Variants in PSG3 observed in about 807,000 individuals in gnomAD.
PSG3 encodes pregnancy specific beta-1-glycoprotein 3.
A neutral mutation model predicts 47.5 loss-of-function variants in PSG3; 61 were observed. That is an observed-to-expected ratio of 1.28 (90% CI 1.05 to 1.59). The LOEUF is 1.59. Among genes scored for constraint, PSG3 ranks in the 40% most tolerant of loss-of-function variants. The pLI is 0.00. For missense variants in PSG3, 756 were observed against 524.0 expected, an observed-to-expected ratio of 1.44 and a Z score of -4.32; for synonymous variants, 263 against 198.4, an observed-to-expected ratio of 1.33 and a Z score of -2.74.
At chr19:42,730,411 G>C (rs2353152) in intron 3 of PSG3, among the ~76,000 whole-genome samples, 12 of 152,286 alleles carry the variant, frequency 7.9e-5, no homozygotes, top group East Asian at 5.8e-4. Flanking sequence ...TGTGCAACTG[G>C]TGGGCCCCTT....
chr19:42,736,765 G>A (rs1001331861), intron 2 of PSG3, among the ~76,000 whole-genome samples: 3 of 152,132 alleles, frequency 2.0e-5, no homozygotes, highest in African/African-American at 7.2e-5. Context: ...AAGGGAAAGA[G>A]CCCTGGATGG....
intron 5 of PSG3, 71 bp downstream of exon 5, chr19:42,729,052 C>T: frequency 6.2e-7 from 1 of 1,611,076 alleles, no homozygotes; most frequent in Non-Finnish European, 8.5e-7. Flanking sequence ...AAATGTTTTC[C>T]TGACTCTTCT....
intron 5 of PSG3, among the ~76,000 whole-genome samples, chr19:42,726,639 T>A (rs546545160): frequency 4.9e-4 from 75 of 152,302 alleles, no homozygotes; most frequent in African/African-American, 1.7e-3. Context: ...AAATGAAAGA[T>A]GACATCAATA....
chr19:42,732,595 C>G (rs1969490273), intron 3 of PSG3, 189 bp downstream of exon 3: 1 of 1,360,646 alleles, frequency 7.3e-7, no homozygotes, highest in Non-Finnish European at 1.0e-6. Context: ...CAGGAGCAGC[C>G]TCTTTTCTCC....
intron 2 of PSG3, chr19:42,734,242 C>T (rs1427907686): frequency 6.6e-6 from 1 of 152,146 alleles, no homozygotes; most frequent in South Asian, 2.1e-4. Flanking sequence ...AAGCTTAAAA[C>T]CAAGTGTTTT....
rs749776014 is a variant in PSG3 at position 42,729,776 on chromosome 19, A to G, written c.988+2T>C. The stretch of plus-strand genomic sequence containing the variant: ...GCCCACAGAGGAACAAAAGATACTC[A>G]CAGAGGACATTCAGGGTGACTGGGT... On this transcript the variant is annotated splice_donor_variant, in intron 4 of 6. Coordinates refer to ENST00000327495, the MANE Select transcript of PSG3 (RefSeq NM_021016.4). LOFTEE classifies it high-confidence loss of function. The G allele has an allele frequency of 6.2e-7, 1 of 1,613,470 alleles. No homozygotes were observed. The highest frequency in any genetic ancestry group is 8.5e-7 in the Non-Finnish European group (1 of 1,179,706).
At chr19:42,735,776 T>C (rs1451029688) in intron 2 of PSG3, among the ~76,000 whole-genome samples, 8 of 152,096 alleles carry the variant, frequency 5.3e-5, no homozygotes, top group Admixed American at 5.2e-4. Context: ...AAGCCAGAAG[T>C]CTCTAGGAAG....
At chr19:42,737,415 G>A (rs1969583595) in intron 2 of PSG3, among the ~76,000 whole-genome samples, 2 of 152,158 alleles carry the variant, frequency 1.3e-5, no homozygotes. Context: ...TAGGGTGTGA[G>A]TGGGGAAAGA....
intron 2 of PSG3, among the ~76,000 whole-genome samples, chr19:42,738,281 C>CCCCA (rs1320893797): frequency 6.6e-6 from 1 of 152,214 alleles, no homozygotes; most frequent in Non-Finnish European, 1.5e-5. Flanking sequence ...GACAACCCAG[C>CCCCA]CCCAGTACAG....
intron 5 of PSG3, among the ~76,000 whole-genome samples, chr19:42,726,382 G>A (rs962212898): frequency 6.6e-6 from 1 of 152,144 alleles, no homozygotes; most frequent in Non-Finnish European, 1.5e-5. Flanking sequence ...GAACTTATAT[G>A]TAGAAAATCC....
chr19:42,728,937 G>A (rs1259461483), intron 5 of PSG3, among the ~76,000 whole-genome samples, 186 bp downstream of exon 5: 3 of 152,130 alleles, frequency 2.0e-5, no homozygotes, highest in Admixed American at 2.0e-4. Context: ...TCAGCCATGA[G>A]AAAACAGAAA....
chr19:42,724,085 C>G, intron 5 of PSG3, 60 bp from the exon 6 acceptor site: 1 of 1,547,276 alleles, frequency 6.5e-7, no homozygotes, highest in Non-Finnish European at 8.9e-7. Flanking sequence ...ATGGGGGAGC[C>G]TCAGGAACAA....
chr19:42,723,022 C>A (rs144335647), intron 6 of PSG3, among the ~76,000 whole-genome samples: 2,130 of 152,266 alleles, frequency 0.014, 53 homozygotes, highest in African/African-American at 0.049. Flanking sequence ...TCTCTGATTT[C>A]TTGTGGCATT....
intron 6 of PSG3, among the ~76,000 whole-genome samples, chr19:42,722,475 C>T (rs1313962944): frequency 4.6e-5 from 7 of 152,218 alleles, no homozygotes; most frequent in Non-Finnish European, 8.8e-5. Flanking sequence ...AGGATGGTCT[C>T]GATCTCCTGA....
chr19:42,728,002 C>T (rs1349744142), intron 5 of PSG3, among the ~76,000 whole-genome samples: 1 of 152,130 alleles, frequency 6.6e-6, no homozygotes. Context: ...ATTATGCTAA[C>T]TGAAATAAGC....
At chr19:42,726,611 A>G (rs1969382023) in intron 5 of PSG3, among the ~76,000 whole-genome samples, 1 of 152,220 alleles carries the variant, frequency 6.6e-6, no homozygotes, top group Non-Finnish European at 1.5e-5. Flanking sequence ...CCTGAAATCT[A>G]CAAAATATGG....
chr19:42,727,646 A>C (rs531273630), intron 5 of PSG3, among the ~76,000 whole-genome samples: 1 of 152,336 alleles, frequency 6.6e-6, no homozygotes, highest in Non-Finnish European at 1.5e-5. Context: ...GTAGATGGAA[A>C]AATTGGAGCT....
chr19:42,722,229 A>G, intron 6 of PSG3, 139 bp from the exon 7 acceptor site: 1 of 393,668 alleles, frequency 2.5e-6, no homozygotes, highest in African/African-American at 2.1e-5. Flanking sequence ...CAGAAATTTC[A>G]TATAATTTTT....
Position 42,730,069 on chromosome 19 carries a change from C to T in PSG3, c.710-13G>A. 3 of 1,609,720 alleles carry T rather than the reference C, an allele frequency of 1.9e-6. No individual in the cohort carries two copies. The highest frequency in any genetic ancestry group is 2.2e-5 in the South Asian group (2 of 90,654). On this transcript the variant is annotated splice_polypyrimidine_tract_variant and intron_variant, in intron 3 of 6. Coordinates refer to ENST00000327495, the MANE Select transcript of PSG3 (RefSeq NM_021016.4). Reference sequence around the variant, plus strand: ...TTGGGCAGCTTCGCTGTGTGGATAACAGAGAGAAGATTGTCCTGTGTGGCA... The same window carrying T: ...TTGGGCAGCTTCGCTGTGTGGATAATAGAGAGAAGATTGTCCTGTGTGGCA...
Sources: allele counts gnomAD v4.1 joint callset (sites outside exome capture counted in the v4.1 genomes callset), GRCh38; gene constraint gnomAD v4.1.1; transcripts MANE v1.5; gene names NCBI Gene and HGNC (gene_info 2026-07-23, HGNC 2026-07-21).